The following ANG variants were observed in gnomAD, a reference collection of about 807,000 sequenced individuals.
ANG encodes angiogenin.
For missense variants in ANG, 178 were observed against 187.4 expected (o/e 0.95, Z 0.29); for synonymous variants, 74 against 73.8 (o/e 1.00, Z -0.02).
upstream of ANG, among the ~76,000 whole-genome samples, chr14:20,688,146 A>G (rs1422447108): frequency 2.0e-5 from 3 of 152,180 alleles, no homozygotes; most frequent in African/African-American, 7.2e-5. Flanking sequence ...ACAGGTAAAG[A>G]TGGAAGAAGG....
chr14:20,692,984 A>G (rs1415527399), intron 1 of ANG, among the ~76,000 whole-genome samples: 1 of 151,340 alleles, frequency 6.6e-6, no homozygotes, highest in African/African-American at 2.4e-5. Context: ...AGTAGCTGGG[A>G]CTACAGGCGC....
At position 20,691,833 on chromosome 14, in the gene ANG, T is replaced by C. The variant is rs906147281; in HGVS notation, c.-18-1714T>C. The stretch of plus-strand genomic sequence containing the variant: ...AAATTAGAAAGAGAGCCCACTTTGC[T>C]CACCCAGTCACGTCTTCCCATGTAA... On this transcript the variant is annotated intron_variant, in intron 1 of 1. Transcript: ENST00000397990. 3.0e-4 allele frequency among the ~76,000 whole-genome samples: 46 copies of C among 152,258 alleles called. 2 individuals are homozygous for C. The highest frequency in any genetic ancestry group is 1.3e-4 in the Non-Finnish European group (9 of 68,046).
chr14:20,693,521 A>G (rs778121390), intron 1 of ANG, 26 bp from the exon 2 acceptor site: 1 of 1,607,162 alleles, frequency 6.2e-7, no homozygotes, highest in South Asian at 1.1e-5. Flanking sequence ...TCTTGGGTCT[A>G]CCACACCTCC....
chr14:20,692,116 C>G (rs549644420), intron 1 of ANG, among the ~76,000 whole-genome samples: 1 of 152,326 alleles, frequency 6.6e-6, no homozygotes, highest in South Asian at 2.1e-4. Context: ...AATTTAATGT[C>G]TTTGAAAATG....
In ANG at chr14:20,693,930, G is replaced by A. The variant is rs369214577; in HGVS notation, c.366G>A (p.Ala122=). 6.2e-6 allele frequency: 10 copies of A among 1,614,086 alleles called. No homozygotes were observed. The highest frequency in any genetic ancestry group is 2.2e-5 in the South Asian group (2 of 91,030). ...CTCCATGCCAGTACCGAGCCACAGC[G>A]GGGTTCAGAAACGTTGTTGTTGCTT... is the stretch of plus-strand genomic sequence containing the variant. The part of the protein sequence containing the change: ...PWPPCQYRAT[A]GFRNVVVACE... The change falls in exon 2 of 2, where the codon GCG becomes GCA. Residue 122 remains alanine, a synonymous_variant. Transcript: ENST00000397990.
chr14:20,686,442 T>G (rs1000870343), upstream of ANG, among the ~76,000 whole-genome samples: 1 of 152,218 alleles, frequency 6.6e-6, no homozygotes, highest in Non-Finnish European at 1.5e-5. Flanking sequence ...GATAAAAAAG[T>G]GGACCAATGA....
In ANG at chr14:20,693,598, T is replaced by C; in HGVS notation, c.34T>C (p.Phe12Leu). ...VMGLGVLLLV[F>L]VLGLGLTPPT... ...GGGCCTGGGCGTTTTGTTGTTGGTCTTCGTGCTGGGTCTGGGTCTGACCCC... is the reference window on the plus strand; with the variant it reads ...GGGCCTGGGCGTTTTGTTGTTGGTCCTCGTGCTGGGTCTGGGTCTGACCCC... The change falls in exon 2 of 2, where the codon TTC (phenylalanine) becomes CTC (leucine). Residue 12 changes from phenylalanine to leucine, a missense_variant. Coordinates refer to ENST00000397990, the MANE Select transcript of ANG (RefSeq NM_001097577.3). 4 of 1,613,742 alleles carry C rather than the reference T, an allele frequency of 2.5e-6. No individual in the cohort carries two copies. The highest frequency in any genetic ancestry group is 3.4e-6 in the Non-Finnish European group (4 of 1,180,026).
Position 20,694,113 on chromosome 14 carries a change from A to G in ANG, c.*105A>G. 7.9e-7 allele frequency: 1 copy of G among 1,272,856 alleles called. No individual in the cohort carries two copies. Among genetic ancestry groups the G allele is most frequent in the Non-Finnish European group, 1.1e-6 (1 of 870,474 alleles). 78.8% of individuals were successfully genotyped at this position (1,272,856 alleles called of 1,614,324 possible). A position where few individuals can be genotyped will look rare whatever the true frequency, so the allele number is the denominator to read the frequency against. On this transcript the variant is annotated 3_prime_UTR_variant, in exon 2 of 2. Transcript: ENST00000397990. ...CATTCATTGCCAAGGGCCCAAAGAA[A>G]GAGCTACCTGGACCTTTTGTTTTCT...
upstream of ANG, among the ~76,000 whole-genome samples, chr14:20,688,463 G>A (rs2139003957): frequency 6.6e-6 from 1 of 152,298 alleles, no homozygotes; most frequent in Middle Eastern, 3.4e-3. Flanking sequence ...GGAGATCAGA[G>A]ATGCTATCTT....
intron 1 of ANG, among the ~76,000 whole-genome samples, chr14:20,692,065 A>G (rs747268857): frequency 2.1e-4 from 32 of 152,266 alleles, no homozygotes; most frequent in Non-Finnish European, 1.0e-4. Flanking sequence ...ATGTTCATTG[A>G]CTTACACACA....
chr14:20,693,373 A>G (rs1171891905), intron 1 of ANG, 174 bp from the exon 2 acceptor site: 1 of 780,610 alleles, frequency 1.3e-6, no homozygotes, highest in Non-Finnish European at 2.1e-6. Flanking sequence ...GACGTTCCGC[A>G]GGAAGGGATT....
upstream of ANG, among the ~76,000 whole-genome samples, chr14:20,686,612 T>C (rs955536042): frequency 2.0e-5 from 3 of 152,208 alleles, no homozygotes; most frequent in Non-Finnish European, 4.4e-5. Flanking sequence ...CCAGAGTTGG[T>C]TGAAAAGCAA....
chr14:20,689,411 T>C (rs1372025802), intron 1 of ANG, among the ~76,000 whole-genome samples: 1 of 152,226 alleles, frequency 6.6e-6, no homozygotes, highest in Non-Finnish European at 1.5e-5. Flanking sequence ...GCTCTTACTT[T>C]GGGGGATTTT....
chr14:20,694,097 C>T lies in ANG; in HGVS notation c.*89C>T. 2 of 1,454,514 alleles carry T rather than the reference C, an allele frequency of 1.4e-6. No individual in the cohort carries two copies. The highest frequency in any genetic ancestry group is 1.9e-6 in the Non-Finnish European group (2 of 1,035,208). The allele number at this position is 1,454,514 out of a possible 1,614,324, so 90.1% of individuals were successfully genotyped here. Reference sequence around the variant, plus strand: ...AGAACAGTGGTGGCAACATTCATTGCCAAGGGCCCAAAGAAAGAGCTACCT... The same window carrying T: ...AGAACAGTGGTGGCAACATTCATTGTCAAGGGCCCAAAGAAAGAGCTACCT... On this transcript the variant is annotated 3_prime_UTR_variant, in exon 2 of 2. Transcript: ENST00000397990.
Position 20,693,813 on chromosome 14 carries a change from C to G in ANG, c.249C>G (p.Asn83Lys). 1 of 1,614,208 alleles carries G rather than the reference C, an allele frequency of 6.2e-7. No homozygotes were observed. The highest frequency in any genetic ancestry group is 8.5e-7 in the Non-Finnish European group (1 of 1,180,044). The stretch of plus-strand genomic sequence containing the variant: ...GCAGCATCAAGGCCATCTGTGAAAA[C>G]AAGAATGGAAACCCTCACAGAGAAA... Reference protein sequence around the residue: ...NKRSIKAICENKNGNPHRENL... With the variant: ...NKRSIKAICEKKNGNPHRENL... Residue 83 changes from asparagine to lysine, a missense_variant, in exon 2 of 2, where the codon AAC (asparagine) becomes AAG (lysine). Asn to Lys is a moderately conservative substitution (Grantham distance 94, BLOSUM62 0). Coordinates refer to ENST00000397990, the MANE Select transcript of ANG (RefSeq NM_001097577.3).
chr14:20,687,118 G>A (rs1886463194), upstream of ANG, among the ~76,000 whole-genome samples: 1 of 152,224 alleles, frequency 6.6e-6, no homozygotes, highest in African/African-American at 2.4e-5. Flanking sequence ...TACTGACAAA[G>A]ATGTGATGTT....
At chr14:20,693,281 C>T (rs1886895986) in intron 1 of ANG, among the ~76,000 whole-genome samples, 1 of 152,182 alleles carries the variant, frequency 6.6e-6, no homozygotes, top group South Asian at 2.1e-4. Flanking sequence ...AATGTTACGA[C>T]TGATAGAGAA....
upstream of ANG, among the ~76,000 whole-genome samples, chr14:20,684,944 A>G (rs922410711): frequency 6.6e-6 from 1 of 152,154 alleles, no homozygotes; most frequent in Non-Finnish European, 1.5e-5. Context: ...TAACGACTTT[A>G]CATTCCCACT....
At chr14:20,689,406 T>C (rs1306340075) in intron 1 of ANG, among the ~76,000 whole-genome samples, 6 of 152,188 alleles carry the variant, frequency 3.9e-5, no homozygotes, top group Admixed American at 2.0e-4. Context: ...GTTAGGCTCT[T>C]ACTTTGGGGG....
Sources: gnomAD v4.1 joint callset for allele counts (sites outside exome capture counted in the v4.1 genomes callset) on GRCh38, gnomAD v4.1.1 for gene constraint, MANE v1.5 for transcripts, NCBI Gene and HGNC (gene_info 2026-07-23, HGNC 2026-07-21) for gene names.